Variants in VAMP3 observed in about 807,000 individuals in gnomAD.
The protein encoded by VAMP3 is vesicle associated membrane protein 3.
A neutral mutation model predicts 18.1 loss-of-function variants in VAMP3; 11 were observed. That is an observed-to-expected ratio of 0.61 (90% CI 0.38 to 1.00). VAMP3 has a LOEUF of 1.00. Ranked by LOEUF, VAMP3 falls within the 50% of genes least tolerant of loss-of-function variation. The pLI is 0.01. For missense variants in VAMP3, 122 were observed against 127.3 expected (o/e 0.96, Z 0.20); for synonymous variants, 49 against 43.1 (o/e 1.14, Z -0.53).
In VAMP3 at chr1:7,779,731, C is replaced by T; in HGVS notation, c.*86C>T. The T allele has an allele frequency of 1.3e-6, 2 of 1,561,642 alleles. No homozygotes were observed. Among genetic ancestry groups the T allele is most frequent in the Non-Finnish European group, 1.7e-6 (2 of 1,150,054 alleles). ...CCTGCTATATTATCAAGCTTACCTA[C>T]TGTTATCTCTAAAATTTTTTTTGTG... On this transcript the variant is annotated 3_prime_UTR_variant, in exon 5 of 5. Coordinates refer to ENST00000054666, the MANE Select transcript of VAMP3 (RefSeq NM_004781.4).
chr1:7,774,470 T>C (rs908839914), intron 2 of VAMP3, among the ~76,000 whole-genome samples: 1 of 152,218 alleles, frequency 6.6e-6, no homozygotes, highest in African/African-American at 2.4e-5. Flanking sequence ...ATTTAGTATA[T>C]TGATAATATT....
intron 1 of VAMP3, 57 bp downstream of exon 1, chr1:7,771,442 T>G (rs2097050544): frequency 3.3e-6 from 5 of 1,496,720 alleles, no homozygotes; most frequent in South Asian, 1.3e-5. Context: ...CAGCTCGCGC[T>G]GGGACCGCCA....
intron 2 of VAMP3, among the ~76,000 whole-genome samples, chr1:7,775,238 A>G (rs2150365825): frequency 6.6e-6 from 1 of 152,258 alleles, no homozygotes; most frequent in Middle Eastern, 3.4e-3. Flanking sequence ...TTGAGTTGTG[A>G]GAGTTTTTTA....
Position 7,777,150 on chromosome 1 carries a change from A to T in VAMP3, c.73-10A>T. The T allele has an allele frequency of 1.3e-6, 2 of 1,597,756 alleles. No individual in the cohort carries two copies. Among genetic ancestry groups the T allele is most frequent in the Non-Finnish European group, 1.7e-6 (2 of 1,170,706 alleles). ...TTTGTGCATTACTTGCTGTGATCAC[A>T]CTCATCTAGGTGGTGGACATAATGC... is the stretch of plus-strand genomic sequence containing the variant. On this transcript the variant is annotated splice_polypyrimidine_tract_variant and intron_variant, in intron 2 of 4. Coordinates refer to ENST00000054666, the MANE Select transcript of VAMP3 (RefSeq NM_004781.4).
intron 2 of VAMP3, among the ~76,000 whole-genome samples, chr1:7,775,701 A>G (rs916632092): frequency 1.3e-5 from 2 of 152,198 alleles, no homozygotes; most frequent in Admixed American, 6.5e-5. Flanking sequence ...AGTCCAATGT[A>G]TCTGTTTTTC....
intron 4 of VAMP3, among the ~76,000 whole-genome samples, chr1:7,778,402 G>A (rs1333560498): frequency 6.6e-6 from 1 of 152,086 alleles, no homozygotes; most frequent in East Asian, 1.9e-4. Flanking sequence ...GCATGGTAGT[G>A]CACACCTGTA....
At chr1:7,779,577 G>C in intron 4 of VAMP3, 49 bp from the exon 5 acceptor site, 11 of 1,613,796 alleles carry the variant, frequency 6.8e-6, no homozygotes, top group Non-Finnish European at 9.3e-6. Context: ...CACACTGAGA[G>C]ACTAACCTGC....
intron 4 of VAMP3, among the ~76,000 whole-genome samples, chr1:7,778,861 CTTGT>C (rs34599778): frequency 0.16 from 24,585 of 151,850 alleles, 2,268 homozygotes; most frequent in African/African-American, 0.22. Flanking sequence ...TAGTCCCTGT[CTTGT>C]TTGTTTGTTT....
Position 7,778,144 on chromosome 1 carries a change from G to A in VAMP3, c.258G>A (p.Leu86=), listed in dbSNP as rs780192464. The change falls in exon 4 of 5, where the codon CTG becomes CTA. Residue 86 remains leucine, a synonymous_variant. Transcript: ENST00000054666. ...CKMWAIGITV[L]VIFIIIIIVW... ...TGTGGGCAATCGGGATTACTGTTCTGGTTATCTTCATCATCATCATCATCG... is the reference window on the plus strand; with the variant it reads ...TGTGGGCAATCGGGATTACTGTTCTAGTTATCTTCATCATCATCATCATCG... 4 of 1,613,974 alleles carry A rather than the reference G, an allele frequency of 2.5e-6. No homozygotes were observed. Among genetic ancestry groups the A allele is most frequent in the Non-Finnish European group, 3.4e-6 (4 of 1,180,020 alleles).
chr1:7,776,296 GT>G (rs1303032507), intron 2 of VAMP3: 1 of 152,108 alleles, frequency 6.6e-6, no homozygotes, highest in African/African-American at 2.4e-5. Context: ...AAACACAATT[GT>G]TTCCTTAATT....
Position 7,779,844 on chromosome 1 carries a change from A to G in VAMP3, c.*199A>G. On this transcript the variant is annotated 3_prime_UTR_variant, in exon 5 of 5. Coordinates refer to ENST00000054666, the MANE Select transcript of VAMP3 (RefSeq NM_004781.4). ...AAGGCCGGCCCCGTCCACATTTTGC[A>G]CAGTGCCTTTACAGATTTACGTATG... The G allele has an allele frequency of 1.5e-6, 1 of 649,248 alleles. No homozygotes were observed. Among genetic ancestry groups the G allele is most frequent in the Non-Finnish European group, 2.6e-6 (1 of 383,236 alleles). The allele number at this position is 649,248 out of a possible 1,614,324, so 40.2% of individuals were successfully genotyped here.
At chr1:7,778,008 T>C (rs2097055137) in intron 3 of VAMP3, 110 bp from the exon 4 acceptor site, 1 of 1,163,516 alleles carries the variant, frequency 8.6e-7, no homozygotes, top group Non-Finnish European at 1.3e-6. Flanking sequence ...CTCCAGACTG[T>C]ATGCACCTGA....
chr1:7,774,074 C>T (rs534243279), intron 2 of VAMP3, among the ~76,000 whole-genome samples: 16 of 152,284 alleles, frequency 1.1e-4, no homozygotes, highest in East Asian at 1.9e-4. Context: ...TGTTCTGCGC[C>T]GTATGTGGAG....
At chr1:7,773,553 A>G in intron 2 of VAMP3, 42 bp downstream of exon 2, 1 of 1,536,276 alleles carries the variant, frequency 6.5e-7, no homozygotes, top group South Asian at 1.1e-5. Flanking sequence ...TTAAACAAAT[A>G]TGAGTACTCT....
chr1:7,774,699 G>A (rs1370300809), intron 2 of VAMP3, among the ~76,000 whole-genome samples: 2 of 152,114 alleles, frequency 1.3e-5, no homozygotes, highest in Non-Finnish European at 2.9e-5. Flanking sequence ...TTAGCACAAA[G>A]TTTTTTGCAT....
At chr1:7,776,183 C>T (rs1307004874) in intron 2 of VAMP3, among the ~76,000 whole-genome samples, 1 of 152,232 alleles carries the variant, frequency 6.6e-6, no homozygotes, top group Non-Finnish European at 1.5e-5. Context: ...AATGATGTCT[C>T]TTAACAATTT....
At chr1:7,772,109 C>T (rs2097051407) in intron 1 of VAMP3, among the ~76,000 whole-genome samples, 1 of 152,182 alleles carries the variant, frequency 6.6e-6, no homozygotes, top group South Asian at 2.1e-4. Context: ...GTACACAGGA[C>T]CTGATCTAAA....
chr1:7,779,762 G>A lies in VAMP3; in HGVS notation c.*117G>A, dbSNP rs1188534455. ...TCTCTAAAATTTTTTTTGTGTTAAT[G>A]TAAAGTTGAATTTCTAGGAAACGTG... On this transcript the variant is annotated 3_prime_UTR_variant, in exon 5 of 5. Transcript: ENST00000054666. 2.1e-6 allele frequency: 3 copies of A among 1,420,904 alleles called. No homozygotes were observed. Among genetic ancestry groups the A allele is most frequent in the Non-Finnish European group, 1.9e-6 (2 of 1,028,410 alleles). The allele number at this position is 1,420,904 out of a possible 1,614,324, so 88.0% of individuals were successfully genotyped here. A position where few individuals can be genotyped will look rare whatever the true frequency, so the allele number is the denominator to read the frequency against.
At chr1:7,779,085 C>T (rs1486740346) in intron 4 of VAMP3, among the ~76,000 whole-genome samples, 2 of 152,042 alleles carry the variant, frequency 1.3e-5, no homozygotes. Context: ...GTCCCAGCTA[C>T]TGGGGAGGCT....
Sources: allele counts gnomAD v4.1 joint callset (sites outside exome capture counted in the v4.1 genomes callset), GRCh38; gene constraint gnomAD v4.1.1; transcripts MANE v1.5; gene names NCBI Gene and HGNC (gene_info 2026-07-23, HGNC 2026-07-21).